VPS13B: variants seen among roughly 807,000 people sequenced by gnomAD.
VPS13B encodes vacuolar protein sorting 13 homolog B.
A neutral mutation model predicts 426.4 loss-of-function variants in VPS13B; 285 were observed. That is an observed-to-expected ratio of 0.67 (90% CI 0.61 to 0.74). The LOEUF is 0.74. Among genes scored for constraint, VPS13B ranks in the 30% least tolerant of loss-of-function variants. The pLI is 0.00. For missense variants in VPS13B, 4,537 were observed against 4,782.6 expected (o/e 0.95, Z 1.51); for synonymous variants, 1,676 against 1,676.4 (o/e 1.00, Z 0.01).
chr8:99,014,041 T>C, intron 2 of VPS13B, 106 bp downstream of exon 2: 1 of 1,470,118 alleles, frequency 6.8e-7, no homozygotes. Flanking sequence ...GTAACTTTTC[T>C]ACTGATGTAT....
At chr8:99,269,756 A>G (rs539922316) in intron 17 of VPS13B, among the ~76,000 whole-genome samples, 29 of 152,312 alleles carry the variant, frequency 1.9e-4, no homozygotes, top group Admixed American at 1.8e-3. Context: ...TATAATGTCA[A>G]GACTGTACTC....
chr8:99,182,051 T>C (rs976149677), intron 16 of VPS13B, among the ~76,000 whole-genome samples: 5 of 152,152 alleles, frequency 3.3e-5, no homozygotes, highest in Non-Finnish European at 5.9e-5. Context: ...CATAAGGGAA[T>C]TGCAGATTAA....
Position 99,208,054 on chromosome 8 carries a change from G to A in VPS13B, c.2515+14997G>A, listed in dbSNP as rs185669907. 2.3e-3 allele frequency among the ~76,000 whole-genome samples: 354 copies of A among 152,292 alleles called. 1 individual carries two copies. The highest frequency in any genetic ancestry group is 3.4e-3 in the Middle Eastern group (1 of 294). On this transcript the variant is annotated intron_variant, in intron 17 of 61. Coordinates refer to ENST00000357162, the MANE Select transcript of VPS13B (RefSeq NM_152564.5). ...GTTTACAAAGTACCACAAACTAGGTGACTTAAAACAGCAAATTTATTTGTT... is the reference window on the plus strand; with the variant it reads ...GTTTACAAAGTACCACAAACTAGGTAACTTAAAACAGCAAATTTATTTGTT...
Position 99,370,846 on chromosome 8 carries a change from G to A in VPS13B, c.2825-13362G>A, listed in dbSNP as rs150229859. On this transcript the variant is annotated intron_variant, in intron 19 of 61. Coordinates refer to ENST00000357162, the MANE Select transcript of VPS13B (RefSeq NM_152564.5). ...GCTGGTCTCGAACTCCTAGACTCAAGTCATCCGCCCATCTCGGCCTCCCAA... is the reference window on the plus strand; with the variant it reads ...GCTGGTCTCGAACTCCTAGACTCAAATCATCCGCCCATCTCGGCCTCCCAA... Among the ~76,000 whole-genome samples, 794 of 152,126 alleles carry A rather than the reference G, an allele frequency of 5.2e-3. 5 individuals are homozygous for A. Among genetic ancestry groups the A allele is most frequent in the African/African-American group, 0.018 (734 of 41,518 alleles).
intron 30 of VPS13B, among the ~76,000 whole-genome samples, chr8:99,551,050 A>G (rs775766726): frequency 5.3e-5 from 8 of 151,946 alleles, no homozygotes; most frequent in Middle Eastern, 3.2e-3. Flanking sequence ...ACCTCATCAC[A>G]CATATTATGT....
chr8:99,023,109 CT>C (rs1383868985), intron 2 of VPS13B, among the ~76,000 whole-genome samples: 2 of 152,116 alleles, frequency 1.3e-5, no homozygotes, highest in East Asian at 3.9e-4. Flanking sequence ...TTGCCTCAGC[CT>C]CCCAAGTAGC....
chr8:99,717,359 G>A lies in VPS13B; in HGVS notation c.6643G>A (p.Gly2215Arg), dbSNP rs1244741089. ...ACCAAAAATATCCATTGACTTAAGA[G>A]GAGGTCTACTACAGGTCTGTGGGTA... ...SIPKISIDLR[G>R]GLLQVFWGQE... Residue 2215 changes from glycine to arginine, a missense_variant, in exon 37 of 62, where the codon GGA (glycine) becomes AGA (arginine). This residue lies in a region of VPS13B where 4,311 missense variants were observed against 4,474.3 expected (regional missense o/e 0.96). Transcript: ENST00000357162. 2.5e-6 allele frequency: 4 copies of A among 1,613,798 alleles called. No homozygotes were observed. Among genetic ancestry groups the A allele is most frequent in the Non-Finnish European group, 3.4e-6 (4 of 1,179,918 alleles).
intron 21 of VPS13B, among the ~76,000 whole-genome samples, chr8:99,422,116 C>G (rs867549664): frequency 3.9e-5 from 6 of 152,216 alleles, no homozygotes; most frequent in Middle Eastern, 3.4e-3. Context: ...TCTTGCCTTT[C>G]CCTAGCTGCA....
chr8:99,044,115 G>C (rs1259585115), intron 3 of VPS13B, among the ~76,000 whole-genome samples: 1 of 102,276 alleles, frequency 9.8e-6, no homozygotes, highest in Non-Finnish European at 1.8e-5. Flanking sequence ...GACGGAGTCT[G>C]CTCTGTTGCC....
intron 21 of VPS13B, among the ~76,000 whole-genome samples, chr8:99,394,448 G>T (rs1814624128): frequency 6.6e-6 from 1 of 152,140 alleles, no homozygotes; most frequent in Non-Finnish European, 1.5e-5. Flanking sequence ...TGATGGCTCG[G>T]AATGTGTTAA....
chr8:99,144,897 A>G (rs1810623132), intron 13 of VPS13B, among the ~76,000 whole-genome samples: 1 of 152,194 alleles, frequency 6.6e-6, no homozygotes, highest in South Asian at 2.1e-4. Flanking sequence ...CCAGAAACAG[A>G]AGGAGGGGAG....
chr8:99,310,226 A>G (rs956617844), intron 19 of VPS13B, among the ~76,000 whole-genome samples: 2 of 152,150 alleles, frequency 1.3e-5, no homozygotes, highest in Non-Finnish European at 2.9e-5. Flanking sequence ...TATGTTGAAT[A>G]GGAGTGGTGA....
At chr8:99,742,983 A>G (rs1341764030) in intron 39 of VPS13B, among the ~76,000 whole-genome samples, 2 of 152,194 alleles carry the variant, frequency 1.3e-5, no homozygotes, top group Admixed American at 1.3e-4. Flanking sequence ...CAGGGCAATC[A>G]GGCAGGAGAA....
intron 16 of VPS13B, among the ~76,000 whole-genome samples, chr8:99,172,963 A>T (rs1221551045): frequency 1.3e-5 from 2 of 152,110 alleles, no homozygotes; most frequent in African/African-American, 2.4e-5. Context: ...TTTTATGAGA[A>T]GTTTATACTT....
At chr8:99,085,826 C>T (rs1845749021) in intron 3 of VPS13B, among the ~76,000 whole-genome samples, 1 of 152,206 alleles carries the variant, frequency 6.6e-6, no homozygotes. Context: ...AGCTGTTAGT[C>T]TGATGGGCTT....
chr8:99,254,298 G>A (rs1466073258), intron 17 of VPS13B, among the ~76,000 whole-genome samples: 1 of 151,976 alleles, frequency 6.6e-6, no homozygotes, highest in East Asian at 1.9e-4. Context: ...CATTCCTGAA[G>A]TATATTTTTG....
chr8:99,478,934 T>G (rs948705384), intron 24 of VPS13B, among the ~76,000 whole-genome samples: 4 of 152,164 alleles, frequency 2.6e-5, no homozygotes, highest in African/African-American at 9.7e-5. Flanking sequence ...AACTTAGAGC[T>G]CTCTGCATTG....
intron 33 of VPS13B, among the ~76,000 whole-genome samples, chr8:99,595,099 A>G (rs1480778735): frequency 2.0e-5 from 3 of 151,984 alleles, no homozygotes; most frequent in Non-Finnish European, 2.9e-5. Context: ...TGACCCATAT[A>G]TGACCCTCTA....
At chr8:99,555,982 G>A (rs747083340) in intron 30 of VPS13B, among the ~76,000 whole-genome samples, 1 of 152,050 alleles carries the variant, frequency 6.6e-6, no homozygotes, top group South Asian at 2.1e-4. Flanking sequence ...GAAAGTAGAC[G>A]ATTAGCAAGG....
Sources: gnomAD v4.1 joint callset for allele counts (sites outside exome capture counted in the v4.1 genomes callset) on GRCh38, gnomAD v4.1.1 for gene constraint, gnomAD v4.1.1 regional missense constraint, MANE v1.5 for transcripts, NCBI Gene and HGNC (gene_info 2026-07-23, HGNC 2026-07-21) for gene names.